GPC5: variants seen among roughly 807,000 people sequenced by gnomAD.
The protein encoded by GPC5 is glypican 5.
Under a neutral mutation model 53.9 loss-of-function variants are expected in GPC5, and 47 were observed. That is an observed-to-expected ratio of 0.87 (90% CI 0.69 to 1.11). The LOEUF (loss-of-function observed/expected upper bound fraction) is 1.11. GPC5 is among the 50% of genes most tolerant of loss of function. The pLI is 0.00. For missense variants in GPC5, 748 were observed against 713.1 expected (o/e 1.05, Z -0.56); for synonymous variants, 286 against 263.3 (o/e 1.09, Z -0.84).
intron 7 of GPC5, among the ~76,000 whole-genome samples, chr13:92,177,094 C>T (rs531602330): frequency 2.0e-5 from 3 of 152,130 alleles, no homozygotes; most frequent in Admixed American, 2.0e-4. Context: ...TTTTGGATAC[C>T]CGTTGTTGTC....
In GPC5 at chr13:92,003,541, C is replaced by G. The variant is rs191586246; in HGVS notation, c.1401+95484C>G. Among the ~76,000 whole-genome samples, 451 of 151,776 alleles carry G rather than the reference C, an allele frequency of 3.0e-3. 3 individuals are homozygous for G. The highest frequency in any genetic ancestry group is 0.01 in the African/African-American group (423 of 41,374). On this transcript the variant is annotated intron_variant, in intron 6 of 7. Transcript: ENST00000377067. ...TGCAGCAGTTTGAACCCAAATATAACATTTAACAGATTATAGGATGTCAGT... is the reference window on the plus strand; with the variant it reads ...TGCAGCAGTTTGAACCCAAATATAAGATTTAACAGATTATAGGATGTCAGT...
intron 7 of GPC5, among the ~76,000 whole-genome samples, chr13:92,441,150 C>A (rs1417406942): frequency 6.6e-6 from 1 of 152,166 alleles, no homozygotes; most frequent in Non-Finnish European, 1.5e-5. Context: ...CGGCTCACTG[C>A]AACCTCTGCC....
intron 7 of GPC5, among the ~76,000 whole-genome samples, chr13:92,622,836 G>A (rs757058474): frequency 3.9e-5 from 6 of 152,148 alleles, no homozygotes; most frequent in Non-Finnish European, 8.8e-5. Flanking sequence ...GAAAGTAGAC[G>A]ATGGGCCAAT....
rs571730863 is a variant in GPC5 at position 91,398,884 on chromosome 13, T to G, written c.-163T>G. 2.6e-4 allele frequency: 199 copies of G among 761,556 alleles called. No individual in the cohort carries two copies. The African/African-American group carries it at 3.3e-3, about 13-fold the overall frequency. 47.2% of individuals were successfully genotyped at this position (761,556 alleles called of 1,614,324 possible). ...AGGGCCTCCTCCGGGAAGAGCTAACTGCTCCCAGGTGAAGCCGGTGCCCGC... is the reference window on the plus strand; with the variant it reads ...AGGGCCTCCTCCGGGAAGAGCTAACGGCTCCCAGGTGAAGCCGGTGCCCGC... On this transcript the variant is annotated 5_prime_UTR_variant, in exon 1 of 8. Coordinates refer to ENST00000377067, the MANE Select transcript of GPC5 (RefSeq NM_004466.6).
chr13:91,571,483 T>G lies in GPC5; in HGVS notation c.326-121704T>G, dbSNP rs117788684. On this transcript the variant is annotated intron_variant, in intron 2 of 7. Coordinates refer to ENST00000377067, the MANE Select transcript of GPC5 (RefSeq NM_004466.6). ...AGCACAGTAACAATTATGAAAATTT[T>G]ATGTGTAAAAATATATATTGTGAGT... is the stretch of plus-strand genomic sequence containing the variant. Among the ~76,000 whole-genome samples, 423 of 152,152 alleles carry G rather than the reference T, an allele frequency of 2.8e-3. 1 individual carries two copies. The highest frequency in any genetic ancestry group is 4.9e-3 in the Non-Finnish European group (333 of 67,990).
intron 5 of GPC5, among the ~76,000 whole-genome samples, chr13:91,845,550 T>C (rs1472958449): frequency 6.6e-6 from 1 of 152,140 alleles, no homozygotes; most frequent in Admixed American, 6.5e-5. Context: ...TTAACTATAA[T>C]CCACAGTTAT....
chr13:92,411,389 T>C (rs1462208969), intron 7 of GPC5, among the ~76,000 whole-genome samples: 1 of 152,226 alleles, frequency 6.6e-6, no homozygotes, highest in Non-Finnish European at 1.5e-5. Flanking sequence ...CATTTGCAGA[T>C]GATATTACTT....
intron 2 of GPC5, among the ~76,000 whole-genome samples, chr13:91,564,997 G>GGGC (rs1555324950): frequency 4.0e-5 from 6 of 149,660 alleles, no homozygotes; most frequent in East Asian, 2.0e-4. Context: ...TTTTTTTGGG[G>GGGC]GGGGGTCGGT....
chr13:92,012,207 C>T (rs1178046225), intron 6 of GPC5, among the ~76,000 whole-genome samples: 1 of 152,154 alleles, frequency 6.6e-6, no homozygotes, highest in East Asian at 1.9e-4. Flanking sequence ...TCAACATCCT[C>T]ATTTGGCATT....
chr13:92,131,274 G>A (rs1215041920), intron 6 of GPC5, among the ~76,000 whole-genome samples: 3 of 151,902 alleles, frequency 2.0e-5, no homozygotes, highest in South Asian at 2.1e-4. Flanking sequence ...TTTGTTTGGC[G>A]ATATCTACTA....
chr13:91,575,997 G>A (rs2032118078), intron 2 of GPC5, among the ~76,000 whole-genome samples: 1 of 152,084 alleles, frequency 6.6e-6, no homozygotes, highest in African/African-American at 2.4e-5. Context: ...CATTTATTTA[G>A]CATGAAAACC....
At chr13:92,092,345 T>G (rs1729929648) in intron 6 of GPC5, among the ~76,000 whole-genome samples, 1 of 152,210 alleles carries the variant, frequency 6.6e-6, no homozygotes, top group Non-Finnish European at 1.5e-5. Flanking sequence ...AGGCTTTTAT[T>G]TGATAACAAT....
At chr13:91,539,362 C>A (rs1368296450) in intron 2 of GPC5, among the ~76,000 whole-genome samples, 1 of 152,052 alleles carries the variant, frequency 6.6e-6, no homozygotes, top group Non-Finnish European at 1.5e-5. Flanking sequence ...CTGACTTGAT[C>A]TAGTTCGTCA....
chr13:92,579,708 TTC>T (rs1242153434), intron 7 of GPC5, among the ~76,000 whole-genome samples: 4 of 152,168 alleles, frequency 2.6e-5, no homozygotes, highest in African/African-American at 4.8e-5. Flanking sequence ...CTTTTATTAT[TTC>T]TGTCTTTAAC....
At chr13:92,184,415 C>T (rs1204359376) in intron 7 of GPC5, among the ~76,000 whole-genome samples, 4 of 152,148 alleles carry the variant, frequency 2.6e-5, no homozygotes, top group South Asian at 4.1e-4. Context: ...TTTGAATAGG[C>T]AGCTCTCTGA....
intron 6 of GPC5, among the ~76,000 whole-genome samples, chr13:92,062,133 C>A (rs1262322472): frequency 6.6e-6 from 1 of 151,624 alleles, no homozygotes; most frequent in Non-Finnish European, 1.5e-5. Flanking sequence ...GGAAAGGAAC[C>A]ACTATTAATT....
At chr13:91,543,795 T>C (rs1256353584) in intron 2 of GPC5, among the ~76,000 whole-genome samples, 2 of 152,182 alleles carry the variant, frequency 1.3e-5, no homozygotes, top group Admixed American at 6.5e-5. Context: ...TGTAAAGAGA[T>C]AGAGACTCTT....
intron 7 of GPC5, chr13:92,659,121 G>T (rs1053305384): frequency 6.7e-6 from 1 of 150,162 alleles, no homozygotes; most frequent in Non-Finnish European, 1.5e-5. Flanking sequence ...GTAGAGACGG[G>T]GTTTCACCGT....
At chr13:91,822,151 T>C (rs1208955756) in intron 5 of GPC5, among the ~76,000 whole-genome samples, 1 of 152,216 alleles carries the variant, frequency 6.6e-6, no homozygotes, top group African/African-American at 2.4e-5. Context: ...AAGCATGTAG[T>C]ATACAGACAT....
Sources: gnomAD v4.1 joint callset for allele counts (sites outside exome capture counted in the v4.1 genomes callset) on GRCh38, gnomAD v4.1.1 for gene constraint, MANE v1.5 for transcripts, NCBI Gene and HGNC (gene_info 2026-07-23, HGNC 2026-07-21) for gene names.